Variants in IL17RA observed in about 807,000 individuals in gnomAD.
The protein encoded by IL17RA is interleukin-17 receptor A.
A neutral mutation model predicts 50.4 loss-of-function variants in IL17RA; 34 were observed. That is an observed-to-expected ratio of 0.67 (90% confidence interval 0.51 to 0.90). IL17RA has a LOEUF of 0.90. Ranked by LOEUF, IL17RA falls within the 40% of genes least tolerant of loss-of-function variation. The pLI, the probability that IL17RA is intolerant of heterozygous loss-of-function variation, is 0.00. For missense variants in IL17RA, 1,276 were observed against 1,169.8 expected, an observed-to-expected ratio of 1.09 and a Z score of -1.32; for synonymous variants, 585 against 510.4, an observed-to-expected ratio of 1.15 and a Z score of -1.97.
chr22:17,097,537 C>T lies in IL17RA; in HGVS notation c.164-260C>T, dbSNP rs903731366. Reference sequence around the variant, plus strand: ...TCCCTCCTGTGCCCTTATTCCCAATCACAACTTCTTCTCAAAATCAACTTG... The same window carrying T: ...TCCCTCCTGTGCCCTTATTCCCAATTACAACTTCTTCTCAAAATCAACTTG... On this transcript the variant is annotated intron_variant, in intron 2 of 12. Transcript: ENST00000319363. The T allele has an allele frequency of 8.7e-6, 5 of 574,616 alleles. No individual in the cohort carries two copies. In the African/African-American group the frequency reaches 9.4e-5, roughly 11 times the overall value. 35.6% of individuals were successfully genotyped at this position (574,616 alleles called of 1,614,324 possible).
chr22:17,104,736 T>A lies in IL17RA; in HGVS notation c.857T>A (p.Phe286Tyr), dbSNP rs760515134. 6.2e-7 allele frequency: 1 copy of A among 1,614,080 alleles called. No individual in the cohort carries two copies. The highest frequency in any genetic ancestry group is 8.5e-7 in the Non-Finnish European group (1 of 1,179,942). Reference sequence around the variant, plus strand: ...CCTCTCTGCCCGCAGATCCAGCCCTTCTTCAGCAGCTGCCTCAATGACTGC... The same window carrying A: ...CCTCTCTGCCCGCAGATCCAGCCCTACTTCAGCAGCTGCCTCAATGACTGC... ...CCRHQVQIQP[F>Y]FSSCLNDCLR... Residue 286 changes from phenylalanine (F) to tyrosine (Y), a missense_variant, in exon 9 of 13, where the codon TTC becomes TAC. Coordinates refer to ENST00000319363, the MANE Select transcript of IL17RA (RefSeq NM_014339.7).
Position 17,098,791 on chromosome 22 carries a change from C to T in IL17RA, c.327C>T (p.Leu109=), listed in dbSNP as rs202060976. ...TLQTDASILY[L]EGAELSVLQL... ...CTCCTGCAGCCAGCATCCTGTACCT[C>T]GAGGGTGCAGAGTTATCTGTCCTGC... The change falls in exon 4 of 13, where the codon CTC becomes CTT. Residue 109 remains leucine (L), a synonymous_variant. Coordinates refer to ENST00000319363, the MANE Select transcript of IL17RA (RefSeq NM_014339.7). 91 of 1,614,086 alleles carry T rather than the reference C, an allele frequency of 5.6e-5. No homozygotes were observed. In the Middle Eastern group the frequency reaches 6.6e-4, roughly 12 times the overall value.
In IL17RA at chr22:17,111,426, G is replaced by A. The variant is rs2061442288; in HGVS notation, c.*1606G>A. 6.6e-6 allele frequency: 1 copy of A among 152,236 alleles called. No homozygotes were observed. The highest frequency in any genetic ancestry group is 2.4e-5 in the African/African-American group (1 of 41,436). 9.4% of individuals were successfully genotyped at this position (152,236 alleles called of 1,614,324 possible). On this transcript the variant is annotated 3_prime_UTR_variant, in exon 13 of 13. Coordinates refer to ENST00000319363, the MANE Select transcript of IL17RA (RefSeq NM_014339.7). ...AAATGAGGGGTGGTGGGTCAGTGAAGATCTGGGCAGACCTTGTGTGGGGAA... is the reference window on the plus strand; with the variant it reads ...AAATGAGGGGTGGTGGGTCAGTGAAAATCTGGGCAGACCTTGTGTGGGGAA...
Position 17,110,240 on chromosome 22 carries a change from G to C in IL17RA, c.*420G>C. ...GGGCCGGGCACGGTGGCTCACGCCT[G>C]TAATCCCAGCACACTGGGAGGCCGA... On this transcript the variant is annotated 3_prime_UTR_variant, in exon 13 of 13. Transcript: ENST00000319363. 1 of 282,334 alleles carries C rather than the reference G, an allele frequency of 3.5e-6. No individual in the cohort carries two copies. The highest frequency in any genetic ancestry group is 6.9e-6 in the Non-Finnish European group (1 of 145,468). The allele number at this position is 282,334 out of a possible 1,614,324, so 17.5% of individuals were successfully genotyped here.
chr22:17,105,483 G>C, intron 9 of IL17RA, 108 bp from the exon 10 acceptor site: 1 of 1,060,678 alleles, frequency 9.4e-7, no homozygotes, highest in Non-Finnish European at 1.5e-6. Context: ...AGTGCCTGGT[G>C]CAGGGCCAAC....
At chr22:17,099,159 C>T (rs1394695866) in intron 4 of IL17RA, among the ~76,000 whole-genome samples, 4 of 152,170 alleles carry the variant, frequency 2.6e-5, no homozygotes, top group African/African-American at 7.2e-5. Flanking sequence ...GCTATTCGTT[C>T]GGAAAGGAAG....
In IL17RA at chr22:17,087,164, A is replaced by G. The variant is rs562543976; in HGVS notation, c.138+1935A>G. ...GTTCTTTTAAAAAGAAAGAAAACACATCCTTCAAATTTCTGTCCCTCACTG... is the reference window on the plus strand; with the variant it reads ...GTTCTTTTAAAAAGAAAGAAAACACGTCCTTCAAATTTCTGTCCCTCACTG... On this transcript the variant is annotated intron_variant, in intron 1 of 12. Transcript: ENST00000319363. Among the ~76,000 whole-genome samples the G allele has an allele frequency of 2.0e-5, 3 of 152,304 alleles. No individual in the cohort carries two copies. The South Asian group carries it at 6.2e-4, about 32-fold the overall frequency.
At chr22:17,092,320 G>A (rs899053387) in intron 1 of IL17RA, among the ~76,000 whole-genome samples, 2 of 152,164 alleles carry the variant, frequency 1.3e-5, no homozygotes, top group African/African-American at 4.8e-5. Context: ...ACTGGGAAAT[G>A]TGTTTCCCTG....
intron 10 of IL17RA, 37 bp from the exon 11 acceptor site, chr22:17,105,816 C>T: frequency 2.6e-6 from 4 of 1,542,246 alleles, no homozygotes; most frequent in Non-Finnish European, 1.8e-6. Flanking sequence ...GCAGGGCAGG[C>T]CCCGCCGCAT....
intron 1 of IL17RA, among the ~76,000 whole-genome samples, chr22:17,090,930 C>G (rs887222089): frequency 6.6e-6 from 1 of 152,198 alleles, no homozygotes; most frequent in African/African-American, 2.4e-5. Flanking sequence ...CTTGTCATAT[C>G]ATTTCCCTCC....
chr22:17,110,038 G>T lies in IL17RA; in HGVS notation c.*218G>T. The T allele has an allele frequency of 6.8e-6, 4 of 586,314 alleles. No individual in the cohort carries two copies. The highest frequency in any genetic ancestry group is 3.0e-5 in the Admixed American group (1 of 33,214). The allele number at this position is 586,314 out of a possible 1,614,324, so 36.3% of individuals were successfully genotyped here. A position where few individuals can be genotyped will look rare whatever the true frequency, so the allele number is the denominator to read the frequency against. ...ATCCCCAGGGGAATCCACACAGCCC[G>T]CTCCCAGGAGCTAATGGTAGAGCGT... On this transcript the variant is annotated 3_prime_UTR_variant, in exon 13 of 13. Transcript: ENST00000319363.
In IL17RA at chr22:17,108,987, C is replaced by G. The variant is rs372238432; in HGVS notation, c.1768C>G (p.Leu590Val). The change falls in exon 13 of 13, where the codon CTC becomes GTC. Residue 590 changes from leucine to valine, a missense_variant. Coordinates refer to ENST00000319363, the MANE Select transcript of IL17RA (RefSeq NM_014339.7). ...TCCCGACTGGTTCGAATGTGAGAACCTCTACTCAGCAGATGACCAGGATGC... is the reference window on the plus strand; with the variant it reads ...TCCCGACTGGTTCGAATGTGAGAACGTCTACTCAGCAGATGACCAGGATGC... ...RCPDWFECEN[L>V]YSADDQDAPS... The G allele has an allele frequency of 9.4e-6, 15 of 1,603,298 alleles. No individual in the cohort carries two copies. In the East Asian group the frequency reaches 1.3e-4, roughly 14 times the overall value.
Position 17,114,545 on chromosome 22 carries a change from G to C in IL17RA, c.*4725G>C, listed in dbSNP as rs558065650. 1.3e-5 allele frequency: 2 copies of C among 152,356 alleles called. No homozygotes were observed. The highest frequency in any genetic ancestry group is 2.9e-5 in the Non-Finnish European group (2 of 68,060). The allele number at this position is 152,356 out of a possible 1,614,324, so 9.4% of individuals were successfully genotyped here. Reference sequence around the variant, plus strand: ...TTCGCTCACTGGATCCTTCCTCTCTGATGAGACAGGAAGAAGGTACACAGT... The same window carrying C: ...TTCGCTCACTGGATCCTTCCTCTCTCATGAGACAGGAAGAAGGTACACAGT... On this transcript the variant is annotated 3_prime_UTR_variant, in exon 13 of 13. Transcript: ENST00000319363.
chr22:17,106,102 A>G (rs1335140329), intron 11 of IL17RA, 148 bp downstream of exon 11: 1 of 711,470 alleles, frequency 1.4e-6, no homozygotes, highest in Non-Finnish European at 2.5e-6. Flanking sequence ...GAGTGAAATA[A>G]GACACATGAA....
chr22:17,097,561 T>G (rs971901483), intron 2 of IL17RA: 1 of 590,994 alleles, frequency 1.7e-6, no homozygotes, highest in Admixed American at 3.0e-5. Flanking sequence ...AAAATCAACT[T>G]GTGTACTTTG....
rs998416948 is a variant in IL17RA, at chr22:17,110,071, G to C, written c.*251G>C. On this transcript the variant is annotated 3_prime_UTR_variant, in exon 13 of 13. Transcript: ENST00000319363. ...GAGCTAATGGTAGAGCGTCCTTGAGGCTCCATTATTCGTTCATTCAGCATT... is the reference window on the plus strand; with the variant it reads ...GAGCTAATGGTAGAGCGTCCTTGAGCCTCCATTATTCGTTCATTCAGCATT... The C allele has an allele frequency of 6.3e-5, 35 of 553,884 alleles. No homozygotes were observed. The highest frequency in any genetic ancestry group is 5.7e-4 in the African/African-American group (30 of 53,004). 34.3% of individuals were successfully genotyped at this position (553,884 alleles called of 1,614,324 possible). A position where few individuals can be genotyped will look rare whatever the true frequency, so the allele number is the denominator to read the frequency against.
At chr22:17,094,675 C>CTATATATATATATA (rs1568917420) in intron 1 of IL17RA, among the ~76,000 whole-genome samples, 2 of 49,334 alleles carry the variant, frequency 4.1e-5, no homozygotes, top group African/African-American at 2.0e-4. Flanking sequence ...CTCTCTCTCT[C>CTATATATATATATA]TCTCTCTCTC....
At chr22:17,086,145 CAAAA>C (rs983507338) in intron 1 of IL17RA, among the ~76,000 whole-genome samples, 11 of 151,744 alleles carry the variant, frequency 7.2e-5, no homozygotes, top group Non-Finnish European at 1.2e-4. Context: ...AGGAAAAAAA[CAAAA>C]AAAGAGCAAA....
rs1464301866 is a variant in IL17RA at position 17,097,848 on chromosome 22, C to A, written c.215C>A (p.Ser72Tyr). The change falls in exon 3 of 13, where the codon TCC becomes TAC. Residue 72 changes from serine to tyrosine, a missense_variant. By Grantham distance (144) the Ser-to-Tyr change is moderately radical. Coordinates refer to ENST00000319363, the MANE Select transcript of IL17RA (RefSeq NM_014339.7). ...WIHPRNLTPS[S>Y]PKDLQIQLHF... is the part of the protein sequence containing the mutation. ...CACCCTCGAAACCTGACCCCCTCCTCCCCAAAGGACCTGCAGATCCAGCTG... is the reference window on the plus strand; with the variant it reads ...CACCCTCGAAACCTGACCCCCTCCTACCCAAAGGACCTGCAGATCCAGCTG... The A allele has an allele frequency of 1.2e-6, 2 of 1,614,064 alleles. No individual in the cohort carries two copies. Among genetic ancestry groups the A allele is most frequent in the African/African-American group, 2.7e-5 (2 of 74,926 alleles).
Sources: gnomAD v4.1 joint callset for allele counts (sites outside exome capture counted in the v4.1 genomes callset) on GRCh38, gnomAD v4.1.1 for gene constraint, MANE v1.5 for transcripts, NCBI Gene and HGNC (gene_info 2026-07-23, HGNC 2026-07-21) for gene names.